Variants in SLC9A9 observed in about 807,000 individuals in gnomAD.
The protein encoded by SLC9A9 is solute carrier family 9 member A9.
Under a neutral mutation model 77.8 loss-of-function variants are expected in SLC9A9, and 62 were observed. The observed-to-expected ratio is 0.80, with a 90% CI of 0.65 to 0.98. The LOEUF (loss-of-function observed/expected upper bound fraction) is 0.98, where lower values mean the gene tolerates loss of function less well. Among genes scored for constraint, SLC9A9 ranks in the 50% least tolerant of loss-of-function variants. The pLI, the probability that SLC9A9 is intolerant of heterozygous loss-of-function variation, is 0.00. For synonymous variants in SLC9A9, 320 were observed against 283.5 expected (o/e 1.13, Z -1.29); for missense variants, 775 against 774.9 (o/e 1.00, Z 0.00).
intron 6 of SLC9A9, among the ~76,000 whole-genome samples, chr3:143,587,586 C>CGGGCCAGGGCCA (rs58491980): frequency 0.33 from 49,435 of 151,946 alleles, 9,219 homozygotes; most frequent in African/African-American, 0.51. Context: ...AGGCTGGAGC[C>CGGGCCAGGGCCA]GGGCCAGGGC....
At chr3:143,622,453 C>T (rs1344269161) in intron 6 of SLC9A9, among the ~76,000 whole-genome samples, 4 of 152,084 alleles carry the variant, frequency 2.6e-5, no homozygotes, top group Non-Finnish European at 5.9e-5. Context: ...AGAGTGGGGG[C>T]CAATATTCAA....
intron 14 of SLC9A9, among the ~76,000 whole-genome samples, chr3:143,326,508 A>G (rs1285454029): frequency 1.3e-5 from 2 of 151,458 alleles, no homozygotes; most frequent in Non-Finnish European, 2.9e-5. Flanking sequence ...TCTTCAATGC[A>G]CTCAGCTCCC....
At chr3:143,598,398 G>A (rs1158373052) in intron 6 of SLC9A9, among the ~76,000 whole-genome samples, 6 of 152,286 alleles carry the variant, frequency 3.9e-5, no homozygotes, top group African/African-American at 1.2e-4. Flanking sequence ...CAAAGGATGG[G>A]GCTGTAGCTG....
In SLC9A9 at chr3:143,269,086, C is replaced by A. The variant is rs1937824099; in HGVS notation, c.1605-106G>T. 31 of 816,880 alleles carry A rather than the reference C, an allele frequency of 3.8e-5. No homozygotes were observed. In the East Asian group the frequency reaches 8.0e-4, roughly 21 times the overall value. The allele number at this position is 816,880 out of a possible 1,614,324, so 50.6% of individuals were successfully genotyped here. A position where few individuals can be genotyped will look rare whatever the true frequency, so the allele number is the denominator to read the frequency against. On this transcript the variant is annotated intron_variant, in intron 14 of 15. Transcript: ENST00000316549. ...AGACAGCTACGTTTGCCTTTAAATC[C>A]CCTACTCCCTCACTTAGGAAGAAAT...
chr3:143,830,661 G>C (rs1185783125), intron 2 of SLC9A9, among the ~76,000 whole-genome samples: 2 of 152,130 alleles, frequency 1.3e-5, no homozygotes, highest in African/African-American at 4.8e-5. Context: ...GGAGAGTGAA[G>C]AGAGAAATAA....
At chr3:143,764,999 CT>C (rs1400581507) in intron 4 of SLC9A9, among the ~76,000 whole-genome samples, 3 of 141,898 alleles carry the variant, frequency 2.1e-5, no homozygotes, top group African/African-American at 9.0e-5. Flanking sequence ...TCCTTCCTTC[CT>C]TTCTTTCTTT....
chr3:143,479,278 C>T (rs2108579154), intron 11 of SLC9A9, among the ~76,000 whole-genome samples: 1 of 152,296 alleles, frequency 6.6e-6, no homozygotes, highest in East Asian at 1.9e-4. Flanking sequence ...GAGACAGGGT[C>T]TCACTCTTGC....
chr3:143,555,686 A>G lies in SLC9A9; in HGVS notation c.1001-3236T>C, dbSNP rs773248272. Among the ~76,000 whole-genome samples the G allele has an allele frequency of 4.5e-4, 68 of 152,202 alleles. 1 individual carries two copies. The highest frequency in any genetic ancestry group is 9.0e-4 in the Non-Finnish European group (61 of 68,040). On this transcript the variant is annotated intron_variant, in intron 8 of 15. Transcript: ENST00000316549. The stretch of plus-strand genomic sequence containing the variant: ...CTGATATCCCAGGAACTAGCCAGAG[A>G]TTTTACGAAAAAGATTACATATCTC...
intron 14 of SLC9A9, among the ~76,000 whole-genome samples, chr3:143,289,753 C>T (rs1938486649): frequency 6.6e-6 from 1 of 152,140 alleles, no homozygotes; most frequent in Non-Finnish European, 1.5e-5. Flanking sequence ...TGGCTGCAAC[C>T]ACCTTCTCAC....
At chr3:143,396,280 T>G (rs2033726166) in intron 12 of SLC9A9, among the ~76,000 whole-genome samples, 4 of 152,204 alleles carry the variant, frequency 2.6e-5, no homozygotes, top group Admixed American at 2.6e-4. Flanking sequence ...TAAAAAATGA[T>G]GAGTTCCTGT....
Position 143,607,200 on chromosome 3 carries a change from G to A in SLC9A9, c.756-28477C>T, listed in dbSNP as rs557471333. Among the ~76,000 whole-genome samples the A allele has an allele frequency of 2.0e-5, 3 of 151,890 alleles. No homozygotes were observed. In the East Asian group the frequency reaches 5.8e-4, roughly 29 times the overall value. ...CAGATAAACTATATTTCAAAAGTGA[G>A]GACAAAATAGATTTTTAAGCAAAAG... On this transcript the variant is annotated intron_variant, in intron 6 of 15. Coordinates refer to ENST00000316549, the MANE Select transcript of SLC9A9 (RefSeq NM_173653.4).
intron 4 of SLC9A9, among the ~76,000 whole-genome samples, chr3:143,754,005 TTCTC>T (rs76823487): frequency 0.44 from 66,597 of 151,560 alleles, 15,679 homozygotes; most frequent in East Asian, 0.77. Flanking sequence ...ATCTCAGGAT[TTCTC>T]TTTCTCCTTC....
At chr3:143,772,217 T>C (rs553204346) in intron 4 of SLC9A9, among the ~76,000 whole-genome samples, 3 of 152,028 alleles carry the variant, frequency 2.0e-5, no homozygotes, top group Non-Finnish European at 2.9e-5. Flanking sequence ...CCAGAGTATA[T>C]CACCTCTGTG....
At chr3:143,503,412 C>A in intron 9 of SLC9A9, 1 of 324,214 alleles carries the variant, frequency 3.1e-6, no homozygotes, top group South Asian at 2.5e-5. Flanking sequence ...GAATGAGTGT[C>A]ACTGTTAAAG....
chr3:143,266,722 C>A lies in SLC9A9; in HGVS notation c.1918G>T (p.Gly640Cys). ...GYELKLEQTL[G>C]QSQLN is the part of the protein sequence containing the mutation. ...GCCAATTAATTCAACTGGGATTGAC[C>A]CAAAGTTTGCTCAAGCTTGAGTTCA... The change falls in exon 16 of 16, where the codon GGT becomes TGT. Residue 640 changes from glycine (G) to cysteine (C), a missense_variant. Gly to Cys is a radical substitution (Grantham distance 159, BLOSUM62 -3). Coordinates refer to ENST00000316549, the MANE Select transcript of SLC9A9 (RefSeq NM_173653.4). 6.2e-7 allele frequency: 1 copy of A among 1,614,072 alleles called. No homozygotes were observed. Among genetic ancestry groups the A allele is most frequent in the Non-Finnish European group, 8.5e-7 (1 of 1,180,014 alleles).
Position 143,467,126 on chromosome 3 carries a change from C to A in SLC9A9, c.1380G>T (p.Met460Ile), listed in dbSNP as rs761372851. The change falls in exon 12 of 16, where the codon ATG becomes ATT. Residue 460 changes from methionine to isoleucine, a missense_variant. Transcript: ENST00000316549. ...IRNTESQPKQ[M>I]MFTTTLLLVF... The stretch of plus-strand genomic sequence containing the variant: ...CGAGGAGCAGCGTAGTGGTAAACAT[C>A]ATTTGTTTGGGCTGAGATTCTGTGT... The A allele has an allele frequency of 5.6e-6, 9 of 1,614,060 alleles. No homozygotes were observed. Among genetic ancestry groups the A allele is most frequent in the South Asian group, 1.1e-5 (1 of 91,084 alleles).
intron 4 of SLC9A9, among the ~76,000 whole-genome samples, chr3:143,744,497 C>G (rs1222663482): frequency 6.6e-6 from 1 of 152,204 alleles, no homozygotes; most frequent in African/African-American, 2.4e-5. Context: ...GGGCTGAAAA[C>G]AGGATAATAA....
rs113641667 is a variant in SLC9A9, at chr3:143,686,250, A to T, written c.649+6942T>A. Reference sequence around the variant, plus strand: ...ATTTATTAAAAGCTCGCTGTTCTAGATATCAGAACTGTAAGACTGAAAAGA... The same window carrying T: ...ATTTATTAAAAGCTCGCTGTTCTAGTTATCAGAACTGTAAGACTGAAAAGA... On this transcript the variant is annotated intron_variant, in intron 5 of 15. Coordinates refer to ENST00000316549, the MANE Select transcript of SLC9A9 (RefSeq NM_173653.4). 4.1e-3 allele frequency among the ~76,000 whole-genome samples: 617 copies of T among 152,324 alleles called. 4 individuals are homozygous for T. The highest frequency in any genetic ancestry group is 0.014 in the African/African-American group (602 of 41,564).
intron 4 of SLC9A9, among the ~76,000 whole-genome samples, chr3:143,713,065 C>A (rs1934239890): frequency 6.6e-6 from 1 of 152,090 alleles, no homozygotes; most frequent in South Asian, 2.1e-4. Flanking sequence ...CAGGAAGTCA[C>A]AAATAGCTCA....
Sources: allele counts gnomAD v4.1 joint callset (sites outside exome capture counted in the v4.1 genomes callset), GRCh38; gene constraint gnomAD v4.1.1; transcripts MANE v1.5; gene names NCBI Gene and HGNC (gene_info 2026-07-23, HGNC 2026-07-21).